GALNS: variants seen among roughly 807,000 people sequenced by gnomAD.
The protein encoded by GALNS is galactosamine (N-acetyl)-6-sulfatase.
A neutral mutation model predicts 65.9 loss-of-function variants in GALNS; 65 were observed. The observed-to-expected ratio is 0.99, with a 90% CI of 0.81 to 1.21. The LOEUF is 1.21. Among genes scored for constraint, GALNS ranks in the 50% most tolerant of loss-of-function variants. GALNS has a pLI of 0.00. For missense variants in GALNS, 776 were observed against 700.7 expected (o/e 1.11, Z -1.21); for synonymous variants, 346 against 288.9 (o/e 1.20, Z -2.00).
chr16:88,827,744 T>A (rs1360094398), intron 9 of GALNS, among the ~76,000 whole-genome samples: 1 of 152,118 alleles, frequency 6.6e-6, no homozygotes, highest in Non-Finnish European at 1.5e-5. Context: ...GGCGGCCCTG[T>A]CTCTTTCTTA....
At chr16:88,815,189 C>T (rs1431537500) in intron 13 of GALNS, 1 of 985,496 alleles carries the variant, frequency 1.0e-6, no homozygotes, top group Non-Finnish European at 1.2e-6. Context: ...CTCGGCCTCT[C>T]AGCTCTGAAG....
chr16:88,815,936 T>C, intron 13 of GALNS: 1 of 985,420 alleles, frequency 1.0e-6, no homozygotes, highest in South Asian at 4.7e-5. Context: ...CCCTCTCCTC[T>C]GTGCCAGAGA....
chr16:88,816,810 C>T (rs561637935), intron 13 of GALNS: 21 of 985,466 alleles, frequency 2.1e-5, no homozygotes, highest in East Asian at 1.1e-4. Context: ...CCTTTTCGCC[C>T]GCACAGCAGG....
At chr16:88,848,372 T>C (rs748374889) in intron 1 of GALNS, among the ~76,000 whole-genome samples, 1 of 152,152 alleles carries the variant, frequency 6.6e-6, no homozygotes, top group Admixed American at 6.5e-5. Flanking sequence ...GGTTCACGCC[T>C]GTAATCCCAG....
rs565726413 is a variant in GALNS at position 88,820,219 on chromosome 16, C to T, written c.1365-2095G>A. The stretch of plus-strand genomic sequence containing the variant: ...TCTCAGCTCACTGCAACCTCCGCCT[C>T]CTGGGTTCAAGCAATTCTCCCGCCT... On this transcript the variant is annotated intron_variant, in intron 12 of 13. Coordinates refer to ENST00000268695, the MANE Select transcript of GALNS (RefSeq NM_000512.5). Among the ~76,000 whole-genome samples the T allele has an allele frequency of 3.3e-4, 51 of 152,278 alleles. 1 individual carries two copies. Among genetic ancestry groups the T allele is most frequent in the Admixed American group, 3.3e-3 (50 of 15,294 alleles).
At chr16:88,827,512 T>C (rs148337608) in intron 9 of GALNS, among the ~76,000 whole-genome samples, 6,315 of 152,310 alleles carry the variant, frequency 0.041, 163 homozygotes, top group South Asian at 0.082. Context: ...AGTGGTGCGA[T>C]CTCAGCTCAC....
At chr16:88,815,967 G>A (rs2142974369) in intron 13 of GALNS, 8 of 985,456 alleles carry the variant, frequency 8.1e-6, no homozygotes, top group Non-Finnish European at 9.6e-6. Flanking sequence ...CCCCTCTCCT[G>A]GGGCTGGCCT....
rs865885834 is a variant in GALNS at position 88,814,999 on chromosome 16, C to G, written c.1483-474G>C. ...CCACCTGCCTTGGCCTCCCAAAGTGCTGGGATTATAGGCGTGAGCCACCGC... is the reference window on the plus strand; with the variant it reads ...CCACCTGCCTTGGCCTCCCAAAGTGGTGGGATTATAGGCGTGAGCCACCGC... On this transcript the variant is annotated intron_variant, in intron 13 of 13. Transcript: ENST00000268695. 5.1e-6 allele frequency: 5 copies of G among 980,680 alleles called. No individual in the cohort carries two copies. In the African/African-American group the frequency reaches 7.0e-5, roughly 14 times the overall value. 60.7% of individuals were successfully genotyped at this position (980,680 alleles called of 1,614,324 possible).
intron 1 of GALNS, among the ~76,000 whole-genome samples, chr16:88,846,874 T>C (rs188581460): frequency 5.9e-5 from 9 of 152,004 alleles, no homozygotes; most frequent in Non-Finnish European, 1.3e-4. Context: ...CCGACCCCCG[T>C]GTGTGGTCCC....
In GALNS at chr16:88,842,794, G is replaced by C. The variant is rs1967038583; in HGVS notation, c.156C>G (p.Pro52=). 1 of 1,613,428 alleles carries C rather than the reference G, an allele frequency of 6.2e-7. No homozygotes were observed. The highest frequency in any genetic ancestry group is 8.5e-7 in the Non-Finnish European group (1 of 1,179,932). The stretch of plus-strand genomic sequence containing the variant: ...GGTCCAAATTCGGGGTCTCTCTGGA[G>C]GGCTCTCCATACACCCCGAGGTCAC... ...GWGDLGVYGE[P]SRETPNLDRM... is the part of the protein sequence containing the mutation. Residue 52 remains proline (P), a synonymous_variant, in exon 2 of 14, where the codon CCC becomes CCG. Coordinates refer to ENST00000268695, the MANE Select transcript of GALNS (RefSeq NM_000512.5).
chr16:88,830,249 A>C (rs1597555159), intron 9 of GALNS, among the ~76,000 whole-genome samples: 1 of 150,570 alleles, frequency 6.6e-6, no homozygotes, highest in African/African-American at 2.5e-5. Context: ...AAAAAAAAAA[A>C]AAAAAAACGT....
chr16:88,829,623 C>T (rs758589362), intron 9 of GALNS, among the ~76,000 whole-genome samples: 1 of 152,238 alleles, frequency 6.6e-6, no homozygotes, highest in Non-Finnish European at 1.5e-5. Context: ...GCTGGGGACA[C>T]AGGGGACTGC....
intron 9 of GALNS, among the ~76,000 whole-genome samples, chr16:88,830,088 G>A (rs926852712): frequency 2.6e-5 from 4 of 152,056 alleles, no homozygotes; most frequent in Non-Finnish European, 4.4e-5. Context: ...AAAATTAGCC[G>A]GGCATGGTAG....
chr16:88,814,701 C>G lies in GALNS; in HGVS notation c.1483-176G>C, dbSNP rs143637446. ...CTCTGCCTTCCGGGTTCAAGAGATT[C>G]TCCTGCCTCAGCCTCCTGAGTGAGT... On this transcript the variant is annotated intron_variant, in intron 13 of 13. Transcript: ENST00000268695. 7.6e-4 allele frequency: 403 copies of G among 533,736 alleles called. 2 individuals are homozygous for G. The African/African-American group carries it at 7.9e-3, about 10-fold the overall frequency. 33.1% of individuals were successfully genotyped at this position (533,736 alleles called of 1,614,324 possible).
chr16:88,842,453 C>G, intron 2 of GALNS: 1 of 579,580 alleles, frequency 1.7e-6, no homozygotes. Context: ...GCACTCGACT[C>G]TGGGAAACAG....
At chr16:88,855,586 T>C (rs1249770815) in intron 1 of GALNS, 2 of 661,820 alleles carry the variant, frequency 3.0e-6, no homozygotes, top group Non-Finnish European at 2.7e-6. Context: ...CTGTCACCCC[T>C]GGGTGGGGAA....
chr16:88,832,887 A>G (rs1911655466), intron 8 of GALNS, among the ~76,000 whole-genome samples: 1 of 152,046 alleles, frequency 6.6e-6, no homozygotes, highest in Non-Finnish European at 1.5e-5. Flanking sequence ...TTTCTACCAA[A>G]GAGAGACCAC....
intron 9 of GALNS, among the ~76,000 whole-genome samples, chr16:88,827,728 G>A (rs1484683660): frequency 6.6e-6 from 1 of 152,232 alleles, no homozygotes; most frequent in East Asian, 1.9e-4. Context: ...TTACAGGCAT[G>A]AGCCCGGCGG....
chr16:88,856,279 G>A (rs1279423486), intron 1 of GALNS: 1 of 702,912 alleles, frequency 1.4e-6, no homozygotes, highest in Non-Finnish European at 2.6e-6. Context: ...GGACCCGGCG[G>A]CCCGAGGTGG....
Sources: gnomAD v4.1 joint callset for allele counts (sites outside exome capture counted in the v4.1 genomes callset) on GRCh38, gnomAD v4.1.1 for gene constraint, MANE v1.5 for transcripts, NCBI Gene and HGNC (gene_info 2026-07-23, HGNC 2026-07-21) for gene names.